The following HHAT variants were observed in gnomAD, a reference collection of about 807,000 sequenced individuals.
HHAT encodes hedgehog acyltransferase.
HHAT carries 47 observed loss-of-function variants against 70.8 expected under a neutral mutation model. The ratio of observed to expected loss-of-function variants is 0.66; its 90% CI spans 0.53 to 0.85. The LOEUF (loss-of-function observed/expected upper bound fraction) is 0.85. Among genes scored for constraint, HHAT ranks in the 40% least tolerant of loss-of-function variants. The probability of loss-of-function intolerance (pLI) is 0.00; values close to 1 mark genes in which losing one functional copy is unlikely to be tolerated. For missense variants in HHAT, 609 were observed against 604.8 expected (o/e 1.01, Z -0.07); for synonymous variants, 228 against 247.6 (o/e 0.92, Z 0.74).
intron 8 of HHAT, among the ~76,000 whole-genome samples, chr1:210,500,743 A>G (rs2094737400): frequency 6.6e-6 from 1 of 152,164 alleles, no homozygotes. Context: ...TCATTACTGA[A>G]GTGCTACTTG....
intron 11 of HHAT, among the ~76,000 whole-genome samples, chr1:210,634,093 A>T (rs3935665): frequency 1.3e-5 from 2 of 152,086 alleles, no homozygotes; most frequent in Non-Finnish European, 2.9e-5. Flanking sequence ...GTTTTAAAAA[A>T]GTTATTGTAT....
chr1:210,334,602 G>A (rs2085311251), intron 1 of HHAT, among the ~76,000 whole-genome samples: 2 of 152,142 alleles, frequency 1.3e-5, no homozygotes, highest in African/African-American at 4.8e-5. Context: ...TGCTCCTTCT[G>A]TGGGTAATAT....
intron 4 of HHAT, among the ~76,000 whole-genome samples, chr1:210,397,872 G>A (rs76809521): frequency 0.027 from 4,113 of 152,276 alleles, 192 homozygotes; most frequent in African/African-American, 0.088. Flanking sequence ...GTGCATGGGA[G>A]GGATCGTGGT....
At chr1:210,527,139 C>G (rs1042565287) in intron 9 of HHAT, among the ~76,000 whole-genome samples, 3 of 152,010 alleles carry the variant, frequency 2.0e-5, no homozygotes, top group Admixed American at 1.3e-4. Flanking sequence ...ACTTTTAGCC[C>G]CACCCTTATC....
chr1:210,647,023 G>A (rs1674194115), intron 11 of HHAT, among the ~76,000 whole-genome samples: 1 of 152,198 alleles, frequency 6.6e-6, no homozygotes, highest in Admixed American at 6.5e-5. Context: ...TTGAACTGCT[G>A]TGGCAAAGAC....
intron 10 of HHAT, among the ~76,000 whole-genome samples, chr1:210,599,438 T>C (rs2148816762): frequency 6.6e-6 from 1 of 152,286 alleles, no homozygotes; most frequent in East Asian, 1.9e-4. Context: ...TCTCAGACTT[T>C]GCACGTGTAA....
intron 8 of HHAT, among the ~76,000 whole-genome samples, chr1:210,496,878 TTCTG>T (rs2094654581): frequency 6.6e-6 from 1 of 152,232 alleles, no homozygotes. Context: ...TTCAGAATCC[TTCTG>T]TCTGATTTCT....
intron 9 of HHAT, among the ~76,000 whole-genome samples, chr1:210,555,472 T>C (rs2095563801): frequency 6.6e-6 from 1 of 152,168 alleles, no homozygotes; most frequent in Non-Finnish European, 1.5e-5. Context: ...AATTGGGCCC[T>C]AGTCCTGTTA....
At chr1:210,539,478 G>T (rs969375549) in intron 9 of HHAT, among the ~76,000 whole-genome samples, 1 of 152,210 alleles carries the variant, frequency 6.6e-6, no homozygotes, top group Admixed American at 6.5e-5. Context: ...TGCTAAAGTG[G>T]TAGGAGTAGG....
chr1:210,481,783 T>C lies in HHAT; in HGVS notation c.1007+17128T>C, dbSNP rs190720858. Among the ~76,000 whole-genome samples, 25 of 152,352 alleles carry C rather than the reference T, an allele frequency of 1.6e-4. No individual in the cohort carries two copies. The East Asian group carries it at 3.7e-3, about 22-fold the overall frequency. On this transcript the variant is annotated intron_variant, in intron 8 of 11. Transcript: ENST00000261458. ...AATTTGCAAATACACAATTTGTGAA[T>C]AATGAGGATTGAGTGTCAATGAATG...
At chr1:210,620,893 C>CTT (rs11393436) in intron 10 of HHAT, among the ~76,000 whole-genome samples, 59 of 147,038 alleles carry the variant, frequency 4.0e-4, no homozygotes, top group South Asian at 6.5e-4. Flanking sequence ...ATGATTTTGA[C>CTT]TTTTTTTTTT....
chr1:210,402,754 T>A (rs2092139546), intron 5 of HHAT, among the ~76,000 whole-genome samples: 1 of 152,234 alleles, frequency 6.6e-6, no homozygotes, highest in South Asian at 2.1e-4. Flanking sequence ...CTTTCTTCAA[T>A]CACTGTGGGA....
chr1:210,500,235 A>C (rs1009761688), intron 8 of HHAT, among the ~76,000 whole-genome samples: 2 of 152,252 alleles, frequency 1.3e-5, no homozygotes, highest in African/African-American at 4.8e-5. Context: ...GTCATGAATA[A>C]TCACTTGTTG....
At chr1:210,637,871 A>AGGGGG (rs1553312397) in intron 11 of HHAT, among the ~76,000 whole-genome samples, 82 of 117,460 alleles carry the variant, frequency 7.0e-4, no homozygotes, top group African/African-American at 2.5e-3. Flanking sequence ...AAAAAAAAAA[A>AGGGGG]GGGGGGGGCA....
intron 6 of HHAT, among the ~76,000 whole-genome samples, chr1:210,406,386 A>G (rs1420246417): frequency 1.4e-5 from 2 of 144,398 alleles, no homozygotes; most frequent in Admixed American, 7.1e-5. Flanking sequence ...GTTATTTCTC[A>G]TCTCCTTTTT....
intron 8 of HHAT, among the ~76,000 whole-genome samples, chr1:210,474,815 C>T (rs1453391906): frequency 6.8e-6 from 1 of 146,558 alleles, no homozygotes; most frequent in East Asian, 2.1e-4. Context: ...TTGGCCTCAC[C>T]TCAGGTGTTT....
chr1:210,650,020 A>T (rs995469856), intron 11 of HHAT, among the ~76,000 whole-genome samples: 1 of 152,236 alleles, frequency 6.6e-6, no homozygotes, highest in African/African-American at 2.4e-5. Context: ...CATTCTTGTC[A>T]GAGTTTTTCC....
intron 10 of HHAT, among the ~76,000 whole-genome samples, chr1:210,600,237 T>C (rs1380699499): frequency 1.3e-5 from 2 of 152,224 alleles, no homozygotes; most frequent in Non-Finnish European, 2.9e-5. Context: ...ACTGTATTCT[T>C]GACCCTTATC....
intron 9 of HHAT, among the ~76,000 whole-genome samples, chr1:210,544,152 A>C (rs995372731): frequency 6.6e-6 from 1 of 152,108 alleles, no homozygotes; most frequent in African/African-American, 2.4e-5. Flanking sequence ...CGTGCCCTCT[A>C]TTCACCCACT....
Sources: gnomAD v4.1 joint callset for allele counts (sites outside exome capture counted in the v4.1 genomes callset) on GRCh38, gnomAD v4.1.1 for gene constraint, MANE v1.5 for transcripts, NCBI Gene and HGNC (gene_info 2026-07-23, HGNC 2026-07-21) for gene names.